DLGAP1: variants seen among roughly 807,000 people sequenced by gnomAD.
DLGAP1 encodes the protein DLG associated protein 1.
Under a neutral mutation model 90.8 loss-of-function variants are expected in DLGAP1, and 11 were observed. That is an observed-to-expected ratio of 0.12 (90% confidence interval 0.08 to 0.20). The LOEUF is 0.20. Ranked by LOEUF, DLGAP1 falls within the 10% of genes least tolerant of loss-of-function variation. The probability of loss-of-function intolerance (pLI) is 1.00; values close to 1 mark genes in which losing one functional copy is unlikely to be tolerated. For synonymous variants in DLGAP1, 558 were observed against 540.7 expected (o/e 1.03, Z -0.44); for missense variants, 1,050 against 1,333.8 (o/e 0.79, Z 3.31).
intron 1 of DLGAP1, among the ~76,000 whole-genome samples, chr18:4,375,783 A>G (rs2082002155): frequency 6.6e-6 from 1 of 152,166 alleles, no homozygotes; most frequent in African/African-American, 2.4e-5. Context: ...TTTCAATTGA[A>G]TTATGATTTG....
intron 5 of DLGAP1, among the ~76,000 whole-genome samples, chr18:3,752,664 A>G (rs377627831): frequency 8.7e-6 from 1 of 114,994 alleles, no homozygotes; most frequent in Non-Finnish European, 1.6e-5. Flanking sequence ...CCTTTTTACG[A>G]TGGGTTCTCA....
chr18:3,816,487 T>G (rs1348885427), intron 4 of DLGAP1, among the ~76,000 whole-genome samples: 1 of 152,216 alleles, frequency 6.6e-6, no homozygotes, highest in Non-Finnish European at 1.5e-5. Flanking sequence ...ATTGAAGAGA[T>G]GCTACTATTC....
intron 7 of DLGAP1, among the ~76,000 whole-genome samples, chr18:3,622,564 C>G (rs568399411): frequency 2.0e-5 from 3 of 152,156 alleles, no homozygotes; most frequent in African/African-American, 4.8e-5. Context: ...CTTCACCCAG[C>G]CTGTGCCTGT....
rs201558244 is a variant in DLGAP1, at chr18:4,174,317, TTTTTA to T, written c.-266-23035_-266-23031del. ...GTGGACATACTGATTAACTTCATTG[TTTTTA>T]TTTTATTTTATTTTTTATTATTATT... On this transcript the variant is annotated intron_variant, in intron 1 of 12. Coordinates refer to ENST00000315677, the MANE Select transcript of DLGAP1 (RefSeq NM_004746.4). 8.7e-3 allele frequency among the ~76,000 whole-genome samples: 1,325 copies of T among 152,040 alleles called. 26 individuals carry two copies. The highest frequency in any genetic ancestry group is 0.03 in the African/African-American group (1,239 of 41,454).
intron 7 of DLGAP1, among the ~76,000 whole-genome samples, chr18:3,685,980 C>A (rs1271631776): frequency 6.6e-6 from 1 of 152,042 alleles, no homozygotes; most frequent in Non-Finnish European, 1.5e-5. Context: ...TCGAGACCAG[C>A]CTGGCCAACA....
At chr18:3,741,141 CCAT>C (rs1334575318) in intron 6 of DLGAP1, among the ~76,000 whole-genome samples, 1 of 109,378 alleles carries the variant, frequency 9.1e-6, no homozygotes, top group Non-Finnish European at 1.9e-5. Context: ...CACCACATCA[CCAT>C]CACCATCACC....
At chr18:4,242,102 C>G (rs2078548449) in intron 1 of DLGAP1, among the ~76,000 whole-genome samples, 1 of 152,084 alleles carries the variant, frequency 6.6e-6, no homozygotes, top group Non-Finnish European at 1.5e-5. Flanking sequence ...AGCAGTTCCC[C>G]TTCATCCTCA....
At chr18:3,764,987 G>A (rs1313069678) in intron 5 of DLGAP1, among the ~76,000 whole-genome samples, 1 of 152,104 alleles carries the variant, frequency 6.6e-6, no homozygotes, top group Non-Finnish European at 1.5e-5. Context: ...CAGAGGTGTA[G>A]CTGAGTCTGG....
At chr18:3,591,414 G>A (rs1276542796) in intron 7 of DLGAP1, among the ~76,000 whole-genome samples, 1 of 152,106 alleles carries the variant, frequency 6.6e-6, no homozygotes, top group African/African-American at 2.4e-5. Flanking sequence ...TAGGCCTGTT[G>A]CGGTGGCTCA....
chr18:3,628,973 G>T (rs2058417561), intron 7 of DLGAP1, among the ~76,000 whole-genome samples: 1 of 152,124 alleles, frequency 6.6e-6, no homozygotes. Flanking sequence ...ACAAGTAAAA[G>T]ACTTTTCTAG....
chr18:4,040,804 T>C (rs1433783374), intron 2 of DLGAP1, among the ~76,000 whole-genome samples: 1 of 152,216 alleles, frequency 6.6e-6, no homozygotes, highest in Admixed American at 6.5e-5. Flanking sequence ...GTTTCAGCAT[T>C]GTGTTCTTTT....
intron 2 of DLGAP1, among the ~76,000 whole-genome samples, chr18:4,040,499 CAAGTA>C (rs1403708755): frequency 4.6e-5 from 7 of 151,954 alleles, no homozygotes; most frequent in Non-Finnish European, 8.8e-5. Flanking sequence ...TATCTTGGCT[CAAGTA>C]AAGAGAAAGA....
At chr18:4,105,630 C>T (rs1388606090) in intron 2 of DLGAP1, among the ~76,000 whole-genome samples, 5 of 152,158 alleles carry the variant, frequency 3.3e-5, no homozygotes, top group Non-Finnish European at 7.4e-5. Context: ...ATGTAAATGG[C>T]AGAAATGTAT....
At chr18:4,141,587 A>C (rs1466790775) in intron 2 of DLGAP1, among the ~76,000 whole-genome samples, 1 of 151,972 alleles carries the variant, frequency 6.6e-6, no homozygotes, top group African/African-American at 2.4e-5. Context: ...AATCTTGGAG[A>C]TCTCCATGAA....
intron 3 of DLGAP1, among the ~76,000 whole-genome samples, chr18:3,937,907 C>G (rs796080965): frequency 2.6e-5 from 4 of 152,240 alleles, no homozygotes; most frequent in African/African-American, 9.6e-5. Context: ...CTCTTTAGAC[C>G]CTCTGCACCC....
At chr18:3,930,471 A>G (rs1205274520) in intron 3 of DLGAP1, among the ~76,000 whole-genome samples, 1 of 152,166 alleles carries the variant, frequency 6.6e-6, no homozygotes, top group East Asian at 1.9e-4. Context: ...AGCATTTAAC[A>G]TCTTGAGTGG....
chr18:3,680,788 C>CAAAA (rs71160910), intron 7 of DLGAP1, among the ~76,000 whole-genome samples: 1,142 of 94,630 alleles, frequency 0.012, 44 homozygotes, highest in African/African-American at 0.04. Context: ...GACTCCGTCT[C>CAAAA]AAAAAAAAAA....
chr18:3,719,711 A>C (rs1446926808), intron 7 of DLGAP1, among the ~76,000 whole-genome samples: 1 of 152,114 alleles, frequency 6.6e-6, no homozygotes, highest in African/African-American at 2.4e-5. Flanking sequence ...ATTTCCTATA[A>C]ATCTATAATT....
At position 3,570,972 on chromosome 18, in the gene DLGAP1, CA is replaced by C. The variant is rs1487236029; in HGVS notation, c.1966-3392del. On this transcript the variant is annotated intron_variant, in intron 8 of 12. Coordinates refer to ENST00000315677, the MANE Select transcript of DLGAP1 (RefSeq NM_004746.4). Reference sequence around the variant, plus strand: ...AATTTAAAAACAGAACAAACCAAAACAAAAATCTCTAGGTTATTTTGGAGTA... The same window carrying C: ...AATTTAAAAACAGAACAAACCAAAACAAAATCTCTAGGTTATTTTGGAGTA... 2.0e-5 allele frequency among the ~76,000 whole-genome samples: 3 copies of C among 147,480 alleles called. 1 individual carries two copies. In the East Asian group the frequency reaches 6.3e-4, roughly 31 times the overall value.
Sources: gnomAD v4.1 joint callset for allele counts (sites outside exome capture counted in the v4.1 genomes callset) on GRCh38, gnomAD v4.1.1 for gene constraint, MANE v1.5 for transcripts, NCBI Gene and HGNC (gene_info 2026-07-23, HGNC 2026-07-21) for gene names.